TENM3: variants seen among roughly 807,000 people sequenced by gnomAD.
TENM3 encodes the protein teneurin transmembrane protein 3.
Under a neutral mutation model 255.1 loss-of-function variants are expected in TENM3, and 63 were observed. The ratio of observed to expected loss-of-function variants is 0.25; its 90% confidence interval spans 0.20 to 0.30. TENM3 has a LOEUF of 0.30. TENM3 is among the 10% of genes least tolerant of loss of function. The pLI, the probability that TENM3 is intolerant of heterozygous loss-of-function variation, is 1.00. For synonymous variants in TENM3, 1,306 were observed against 1,322.3 expected, an observed-to-expected ratio of 0.99 and a Z score of 0.27; for missense variants, 2,929 against 3,461.1, an observed-to-expected ratio of 0.85 and a Z score of 3.86.
intron 4 of TENM3, among the ~76,000 whole-genome samples, chr4:182,624,031 T>A (rs1750573425): frequency 6.7e-6 from 1 of 149,988 alleles, no homozygotes; most frequent in Admixed American, 6.6e-5. Context: ...GTCTGAGATG[T>A]AAGGCACAGG....
chr4:182,598,240 CTT>C, intron 3 of TENM3, among the ~76,000 whole-genome samples: 1 of 152,320 alleles, frequency 6.6e-6, no homozygotes, highest in Non-Finnish European at 1.5e-5. Context: ...ATCATTCAGA[CTT>C]TGCATGTATT....
At chr4:182,086,694 G>A in the TENM3 span, among the ~76,000 whole-genome samples, 4,251 of 152,258 alleles carry the variant, frequency 0.028, 95 homozygotes, top group South Asian at 0.069. Flanking sequence ...CAGATGCAGT[G>A]GTAGGCTGCG....
the TENM3 span, among the ~76,000 whole-genome samples, chr4:182,079,243 G>A: frequency 6.6e-6 from 1 of 152,176 alleles, no homozygotes; most frequent in Admixed American, 6.5e-5. Flanking sequence ...TTGGCTGGGT[G>A]TGGTGGCTCA....
the TENM3 span, among the ~76,000 whole-genome samples, chr4:181,719,658 T>G: frequency 1.3e-5 from 2 of 152,298 alleles, no homozygotes; most frequent in African/African-American, 4.8e-5. Context: ...CCCATCACCT[T>G]GAGGGTTAAG....
chr4:182,028,888 C>G, the TENM3 span, among the ~76,000 whole-genome samples: 19 of 152,142 alleles, frequency 1.2e-4, no homozygotes, highest in South Asian at 3.9e-3. Flanking sequence ...GAGAAAGATC[C>G]ATGTGCTGAG....
the TENM3 span, among the ~76,000 whole-genome samples, chr4:181,923,253 G>A: frequency 5.9e-5 from 9 of 152,062 alleles, no homozygotes; most frequent in South Asian, 2.1e-4. Context: ...TATTAGGTCC[G>A]CTTGGTGCAA....
chr4:182,225,163 A>G (rs1239761519), intron 1 of TENM3, among the ~76,000 whole-genome samples: 1 of 152,184 alleles, frequency 6.6e-6, no homozygotes, highest in East Asian at 1.9e-4. Flanking sequence ...AATGAAACAA[A>G]CTCTGAAAAG....
the TENM3 span, among the ~76,000 whole-genome samples, chr4:181,664,486 CAA>C: frequency 3.5e-5 from 4 of 115,922 alleles, no homozygotes; most frequent in African/African-American, 1.3e-4. Context: ...TAAAAAAAAA[CAA>C]AACAAAAAAA....
chr4:181,513,478 G>C, the TENM3 span, among the ~76,000 whole-genome samples: 685 of 152,140 alleles, frequency 4.5e-3, 4 homozygotes, highest in African/African-American at 0.014. Flanking sequence ...CACTAACCTA[G>C]AAAACTCAGA....
chr4:182,615,028 GA>G lies in TENM3; in HGVS notation c.750-13608del, dbSNP rs751141011. ...AGTTAGGGAAAAGGCATGTTTCTCA[GA>G]AAAAAAAAAAAAAATACATATATAT... On this transcript the variant is annotated intron_variant, in intron 4 of 27. Coordinates refer to ENST00000511685, the MANE Select transcript of TENM3 (RefSeq NM_001080477.4). Among the ~76,000 whole-genome samples, 681 of 89,040 alleles carry G rather than the reference GA, an allele frequency of 7.6e-3. 7 individuals carry two copies. The highest frequency in any genetic ancestry group is 0.015 in the Middle Eastern group (2 of 130). The allele number at this position is 89,040 out of a possible 152,430, so 58.4% of individuals were successfully genotyped here.
At chr4:182,148,528 A>G (rs947457741) in intron 1 of TENM3, among the ~76,000 whole-genome samples, 2 of 152,236 alleles carry the variant, frequency 1.3e-5, no homozygotes, top group South Asian at 2.1e-4. Context: ...AAAGGATTTT[A>G]TGGCCTTTTG....
the TENM3 span, among the ~76,000 whole-genome samples, chr4:181,673,244 A>T: frequency 6.6e-6 from 1 of 150,802 alleles, no homozygotes; most frequent in East Asian, 1.9e-4. Context: ...ACATATTTCT[A>T]TGGGGAATGT....
chr4:181,685,242 T>G, the TENM3 span, among the ~76,000 whole-genome samples: 13 of 152,276 alleles, frequency 8.5e-5, no homozygotes, highest in Non-Finnish European at 1.6e-4. Flanking sequence ...GATATTTTGC[T>G]CATTTAGTCC....
chr4:182,068,790 A>C, the TENM3 span, among the ~76,000 whole-genome samples: 2 of 152,108 alleles, frequency 1.3e-5, no homozygotes, highest in Non-Finnish European at 2.9e-5. Flanking sequence ...TATTTGAGTA[A>C]TCTCTAAACA....
the TENM3 span, among the ~76,000 whole-genome samples, chr4:181,535,777 C>T: frequency 6.6e-6 from 1 of 152,140 alleles, no homozygotes; most frequent in East Asian, 1.9e-4. Context: ...CTCCCTGGTA[C>T]CCTTGCTCAG....
At chr4:182,150,664 T>C (rs1237954662) in intron 1 of TENM3, among the ~76,000 whole-genome samples, 1 of 152,094 alleles carries the variant, frequency 6.6e-6, no homozygotes, top group Non-Finnish European at 1.5e-5. Flanking sequence ...AAAAAGACCA[T>C]TTAGGAGGTA....
the TENM3 span, among the ~76,000 whole-genome samples, chr4:181,960,049 G>A: frequency 1.3e-5 from 2 of 152,124 alleles, no homozygotes; most frequent in Non-Finnish European, 2.9e-5. Context: ...TTTGTGTTAG[G>A]CATCATTTCC....
intron 3 of TENM3, among the ~76,000 whole-genome samples, chr4:182,477,719 C>G (rs1358954693): frequency 6.6e-6 from 1 of 152,114 alleles, no homozygotes; most frequent in East Asian, 1.9e-4. Context: ...CATTTTGTAT[C>G]TGAGATGCAA....
chr4:181,764,623 T>C, the TENM3 span, among the ~76,000 whole-genome samples: 2 of 152,212 alleles, frequency 1.3e-5, no homozygotes, highest in Non-Finnish European at 2.9e-5. Flanking sequence ...CAGAAGATAG[T>C]GCTTTCGTAT....
Sources: allele counts gnomAD v4.1 joint callset (sites outside exome capture counted in the v4.1 genomes callset), GRCh38; gene constraint gnomAD v4.1.1; transcripts MANE v1.5; gene names NCBI Gene and HGNC (gene_info 2026-07-23, HGNC 2026-07-21).